Variants in CDH18 observed in about 807,000 individuals in gnomAD.
CDH18 encodes the protein cadherin-18.
A neutral mutation model predicts 67.9 loss-of-function variants in CDH18; 31 were observed. That is an observed-to-expected ratio of 0.46 (90% confidence interval 0.34 to 0.62). The LOEUF is 0.62. Among genes scored for constraint, CDH18 ranks in the 20% least tolerant of loss-of-function variants. The pLI, the probability that CDH18 is intolerant of heterozygous loss-of-function variation, is 0.01. For synonymous variants in CDH18, 362 were observed against 347.2 expected (o/e 1.04, Z -0.48); for missense variants, 890 against 975.5 (o/e 0.91, Z 1.17).
At chr5:20,044,842 G>A (rs189328914) in intron 2 of CDH18, among the ~76,000 whole-genome samples, 1 of 152,078 alleles carries the variant, frequency 6.6e-6, no homozygotes, top group African/African-American at 2.4e-5. Context: ...TGTGGATATT[G>A]GTGGATTATT....
At position 19,869,161 on chromosome 5, in the gene CDH18, C is replaced by T. The variant is rs183556004; in HGVS notation, c.-256-29919G>A. On this transcript the variant is annotated intron_variant, in intron 2 of 12. Coordinates refer to ENST00000382275, the MANE Select transcript of CDH18 (RefSeq NM_004934.5). ...TCTTAGTTTCTGAAGATATGCAGGA[C>T]GTCAATTAATTTATTAATTAAGCAC... 2.2e-3 allele frequency among the ~76,000 whole-genome samples: 340 copies of T among 152,210 alleles called. 4 individuals are homozygous for T. Among genetic ancestry groups the T allele is most frequent in the African/African-American group, 6.9e-3 (287 of 41,544 alleles).
At chr5:20,342,228 G>C (rs1212021802) in intron 1 of CDH18, among the ~76,000 whole-genome samples, 1 of 152,138 alleles carries the variant, frequency 6.6e-6, no homozygotes, top group Non-Finnish European at 1.5e-5. Flanking sequence ...ACTTGGAATG[G>C]GGACGTGTGG....
chr5:20,550,935 G>A (rs1257850180), intron 1 of CDH18, among the ~76,000 whole-genome samples: 4 of 152,128 alleles, frequency 2.6e-5, no homozygotes, highest in Admixed American at 2.0e-4. Context: ...AGAGAAAGAG[G>A]AGGTGGGAGC....
At chr5:20,296,236 TTTTG>T (rs1231274817) in intron 1 of CDH18, among the ~76,000 whole-genome samples, 4 of 151,194 alleles carry the variant, frequency 2.6e-5, no homozygotes, top group Admixed American at 1.3e-4. Flanking sequence ...TAAGGTTTTT[TTTTG>T]TTTGTTTGTT....
intron 3 of CDH18, among the ~76,000 whole-genome samples, chr5:19,752,978 G>A (rs1771054624): frequency 6.6e-6 from 1 of 152,138 alleles, no homozygotes; most frequent in Non-Finnish European, 1.5e-5. Context: ...ATAGGAAAAG[G>A]GGGAGGACAC....
At chr5:20,418,206 G>A (rs1178008196) in intron 1 of CDH18, among the ~76,000 whole-genome samples, 1 of 147,294 alleles carries the variant, frequency 6.8e-6, no homozygotes, top group Non-Finnish European at 1.5e-5. Context: ...CTCCCGAGTA[G>A]CAGGGATTAC....
chr5:20,142,546 T>C (rs1347525), intron 2 of CDH18, among the ~76,000 whole-genome samples: 129,358 of 151,192 alleles, frequency 0.86, 56,563 homozygotes, highest in Non-Finnish European at 0.94. Context: ...CACTACTGCA[T>C]TCCAGCCTGG....
chr5:19,832,707 A>T (rs1781192573), intron 3 of CDH18, among the ~76,000 whole-genome samples: 1 of 152,120 alleles, frequency 6.6e-6, no homozygotes, highest in South Asian at 2.1e-4. Context: ...TGTTCGTATA[A>T]GGTGTAAGGA....
At chr5:20,117,215 G>T (rs1377364235) in intron 2 of CDH18, among the ~76,000 whole-genome samples, 1 of 151,962 alleles carries the variant, frequency 6.6e-6, no homozygotes, top group Non-Finnish European at 1.5e-5. Flanking sequence ...TTCCAAATAG[G>T]CTTGCTAATT....
intron 2 of CDH18, among the ~76,000 whole-genome samples, chr5:20,125,513 T>C (rs958036244): frequency 7.1e-4 from 108 of 152,290 alleles, no homozygotes; most frequent in South Asian, 8.3e-4. Flanking sequence ...TATTCTTATA[T>C]TTCATTGGGG....
At chr5:20,134,875 T>C (rs984151454) in intron 2 of CDH18, among the ~76,000 whole-genome samples, 6 of 152,176 alleles carry the variant, frequency 3.9e-5, no homozygotes, top group African/African-American at 1.4e-4. Flanking sequence ...AGAGAGGGAC[T>C]GTTCTATTAT....
intron 2 of CDH18, among the ~76,000 whole-genome samples, chr5:20,009,597 C>T (rs1457352479): frequency 3.3e-5 from 5 of 151,898 alleles, no homozygotes; most frequent in African/African-American, 7.3e-5. Context: ...GACCAATATA[C>T]GAAGTTTTCA....
chr5:19,809,284 G>A (rs1778381366), intron 3 of CDH18, among the ~76,000 whole-genome samples: 1 of 152,004 alleles, frequency 6.6e-6, no homozygotes, highest in Non-Finnish European at 1.5e-5. Context: ...GTGCCTCTGG[G>A]GAAAATTAAC....
chr5:20,326,830 C>T (rs954228591), intron 1 of CDH18, among the ~76,000 whole-genome samples: 6 of 152,086 alleles, frequency 3.9e-5, no homozygotes, highest in African/African-American at 7.2e-5. Flanking sequence ...CTTGAGCCAC[C>T]GGGCCTGGCC....
At chr5:20,261,879 C>T (rs1281132818) in intron 1 of CDH18, among the ~76,000 whole-genome samples, 1 of 151,788 alleles carries the variant, frequency 6.6e-6, no homozygotes, top group Non-Finnish European at 1.5e-5. Flanking sequence ...AATTAGAATG[C>T]AATGAATAAA....
At chr5:19,738,393 G>A (rs1433201454) in intron 4 of CDH18, among the ~76,000 whole-genome samples, 1 of 152,060 alleles carries the variant, frequency 6.6e-6, no homozygotes, top group East Asian at 1.9e-4. Flanking sequence ...ATGATCCATT[G>A]ATCACTGCAA....
At chr5:19,981,425 A>C (rs1389638206) in intron 1 of CDH18, among the ~76,000 whole-genome samples, 7 of 152,134 alleles carry the variant, frequency 4.6e-5, no homozygotes, top group Non-Finnish European at 7.4e-5. Context: ...TATAAAGAGC[A>C]GGCATTTATT....
intron 2 of CDH18, among the ~76,000 whole-genome samples, chr5:19,875,542 T>G (rs745812393): frequency 6.6e-6 from 1 of 152,070 alleles, no homozygotes; most frequent in Non-Finnish European, 1.5e-5. Flanking sequence ...CATTATCATT[T>G]TTATGTTTTG....
chr5:19,892,265 C>T (rs769470694), intron 2 of CDH18, among the ~76,000 whole-genome samples: 2 of 152,046 alleles, frequency 1.3e-5, no homozygotes, highest in Non-Finnish European at 2.9e-5. Context: ...TTAAAGTGCT[C>T]TAGCTAATGT....
Sources: gnomAD v4.1 joint callset for allele counts (sites outside exome capture counted in the v4.1 genomes callset) on GRCh38, gnomAD v4.1.1 for gene constraint, MANE v1.5 for transcripts, NCBI Gene and HGNC (gene_info 2026-07-23, HGNC 2026-07-21) for gene names.